Variants in ALDH1L1 observed in about 807,000 individuals in gnomAD.
ALDH1L1 encodes cytosolic 10-formyltetrahydrofolate dehydrogenase.
In ALDH1L1, 68 loss-of-function variants were observed where a neutral mutation model predicts 101.1. The observed-to-expected ratio is 0.67, with a 90% confidence interval of 0.55 to 0.82. The LOEUF is 0.82. ALDH1L1 is among the 40% of genes least tolerant of loss of function. The pLI is 0.00. For synonymous variants in ALDH1L1, 486 were observed against 470.8 expected, an observed-to-expected ratio of 1.03 and a Z score of -0.42; for missense variants, 1,087 against 1,172.7, an observed-to-expected ratio of 0.93 and a Z score of 1.07.
intron 5 of ALDH1L1, among the ~76,000 whole-genome samples, chr3:126,154,998 T>G (rs992126654): frequency 6.6e-6 from 1 of 152,190 alleles, no homozygotes; most frequent in Non-Finnish European, 1.5e-5. Flanking sequence ...CCCATACTCC[T>G]GAGCTGAGAC....
chr3:126,174,001 T>C (rs2081328303), intron 1 of ALDH1L1, among the ~76,000 whole-genome samples: 1 of 152,242 alleles, frequency 6.6e-6, no homozygotes, highest in African/African-American at 2.4e-5. Context: ...CCACTATTAT[T>C]ACAGTTGGAG....
chr3:126,147,795 CTT>C (rs1448278185), intron 8 of ALDH1L1, among the ~76,000 whole-genome samples: 1 of 152,194 alleles, frequency 6.6e-6, no homozygotes, highest in African/African-American at 2.4e-5. Context: ...CGGCTCTCCT[CTT>C]TCTTTCTTGG....
chr3:126,178,192 G>A (rs1048640104), intron 1 of ALDH1L1, among the ~76,000 whole-genome samples: 1 of 152,010 alleles, frequency 6.6e-6, no homozygotes, highest in Non-Finnish European at 1.5e-5. Context: ...GCCAGCTTGG[G>A]CAACAAAGTG....
rs375621069 is a variant in ALDH1L1 at position 126,130,200 on chromosome 3, C to G, written c.1694+23G>C. The G allele has an allele frequency of 4.0e-5, 63 of 1,593,378 alleles. 1 individual carries two copies. In the African/African-American group the frequency reaches 6.3e-4, roughly 16 times the overall value. On this transcript the variant is annotated intron_variant, in intron 14 of 22. Coordinates refer to ENST00000393434, the MANE Select transcript of ALDH1L1 (RefSeq NM_012190.4). ...GCATGGAAAGCACCGCGAGGCTGCA[C>G]CTCGCCCTGGGCAGGAACTCACCCA...
intron 1 of ALDH1L1, among the ~76,000 whole-genome samples, chr3:126,197,387 A>T (rs1266140853): frequency 2.0e-5 from 3 of 152,316 alleles, no homozygotes; most frequent in Non-Finnish European, 4.4e-5. Flanking sequence ...CTAAACGCAC[A>T]AGAAAAATGA....
chr3:126,130,383 G>A, intron 13 of ALDH1L1, 90 bp from the exon 14 acceptor site: 2 of 1,234,522 alleles, frequency 1.6e-6, no homozygotes, highest in Admixed American at 5.9e-5. Flanking sequence ...GTCTCCAGGA[G>A]GAAGTCAAAG....
intron 10 of ALDH1L1, 56 bp from the exon 11 acceptor site, chr3:126,136,939 C>T: frequency 1.9e-6 from 3 of 1,603,180 alleles, no homozygotes; most frequent in Non-Finnish European, 2.6e-6. Flanking sequence ...AGGAAGCATA[C>T]ACAGATGGCC....
intron 1 of ALDH1L1, among the ~76,000 whole-genome samples, chr3:126,193,293 T>G (rs1156700696): frequency 6.6e-6 from 1 of 152,184 alleles, no homozygotes; most frequent in Non-Finnish European, 1.5e-5. Context: ...ACAGACCTAG[T>G]CTGTTCTAGT....
intron 1 of ALDH1L1, among the ~76,000 whole-genome samples, chr3:126,172,740 A>C (rs975530122): frequency 6.6e-6 from 1 of 152,174 alleles, no homozygotes; most frequent in Non-Finnish European, 1.5e-5. Flanking sequence ...AGAGGAAACC[A>C]AATAGGATAA....
intron 1 of ALDH1L1, 22 bp from the exon 2 acceptor site, chr3:126,161,024 A>G: frequency 1.2e-6 from 2 of 1,612,714 alleles, no homozygotes; most frequent in Non-Finnish European, 1.7e-6. Flanking sequence ...ATAAGGCAGC[A>G]ATTAGACAGA....
At chr3:126,196,398 T>C (rs1334805897) in intron 1 of ALDH1L1, among the ~76,000 whole-genome samples, 1 of 134,398 alleles carries the variant, frequency 7.4e-6, no homozygotes, top group African/African-American at 2.8e-5. Context: ...TTTTTTTTTT[T>C]CCAAAATGGG....
At chr3:126,156,707 C>G (rs2080914567) in intron 4 of ALDH1L1, 1 of 152,222 alleles carries the variant, frequency 6.6e-6, no homozygotes, top group African/African-American at 2.4e-5. Flanking sequence ...GACCACAGGT[C>G]ACGGCCTTCC....
Position 126,179,498 on chromosome 3 carries a change from T to TCAAACAAACAAACAAACAAA in ALDH1L1, c.-24+958_-24+977dup, listed in dbSNP as rs74555685. On this transcript the variant is annotated intron_variant, in intron 1 of 22. Coordinates refer to ENST00000393434, the MANE Select transcript of ALDH1L1 (RefSeq NM_012190.4). ...CTGGGCGACAGAGCGAGACTCTGTCTCAAACAAACAAACAAACAAACAGCA... is the reference window on the plus strand; with the variant it reads ...CTGGGCGACAGAGCGAGACTCTGTCTCAAACAAACAAACAAACAAACAAACAAACAAACAAACAAACAGCA... Among the ~76,000 whole-genome samples, 445 of 151,740 alleles carry TCAAACAAACAAACAAACAAA rather than the reference T, an allele frequency of 2.9e-3. 3 individuals carry two copies. Among genetic ancestry groups the TCAAACAAACAAACAAACAAA allele is most frequent in the African/African-American group, 0.01 (430 of 41,316 alleles).
chr3:126,114,809 C>A (rs1427363470), intron 17 of ALDH1L1, 153 bp from the exon 18 acceptor site: 7 of 683,584 alleles, frequency 1.0e-5, no homozygotes, highest in East Asian at 8.5e-5. Context: ...CCACCCCTTG[C>A]GGCTTCACAC....
chr3:126,124,530 C>T, intron 15 of ALDH1L1, 79 bp from the exon 16 acceptor site: 1 of 1,179,962 alleles, frequency 8.5e-7, no homozygotes, highest in South Asian at 1.3e-5. Context: ...CCGCCTTCCT[C>T]TCCCAGCAGC....
At chr3:126,174,250 G>A (rs68189376) in intron 1 of ALDH1L1, among the ~76,000 whole-genome samples, 8 of 152,112 alleles carry the variant, frequency 5.3e-5, no homozygotes, top group Admixed American at 1.3e-4. Context: ...GGCTGGTCTC[G>A]CACTCCTGAC....
intron 20 of ALDH1L1, among the ~76,000 whole-genome samples, chr3:126,108,315 C>T (rs113424000): frequency 1.3e-5 from 2 of 152,224 alleles, no homozygotes; most frequent in African/African-American, 2.4e-5. Context: ...CCATGCTCTG[C>T]CCCTCACTGG....
intron 9 of ALDH1L1, among the ~76,000 whole-genome samples, chr3:126,145,653 A>G (rs2080659488): frequency 6.6e-6 from 1 of 152,194 alleles, no homozygotes; most frequent in Non-Finnish European, 1.5e-5. Flanking sequence ...AGCAAAAAGA[A>G]TGGCTGTTGC....
Position 126,103,709 on chromosome 3 carries a change from G to A in ALDH1L1, c.*82C>T, listed in dbSNP as rs759244047. On this transcript the variant is annotated 3_prime_UTR_variant, in exon 23 of 23. Transcript: ENST00000393434. ...CTTCCACTAGCCCCCCAGGTGGGAG[G>A]TGCTGTGCACCCAGGCTCAAGAGGG... 17 of 1,466,940 alleles carry A rather than the reference G, an allele frequency of 1.2e-5. No homozygotes were observed. Among genetic ancestry groups the A allele is most frequent in the African/African-American group, 1.4e-5 (1 of 72,024 alleles). The allele number at this position is 1,466,940 out of a possible 1,614,324, so 90.9% of individuals were successfully genotyped here.
Sources: allele counts gnomAD v4.1 joint callset (sites outside exome capture counted in the v4.1 genomes callset), GRCh38; gene constraint gnomAD v4.1.1; transcripts MANE v1.5; gene names NCBI Gene and HGNC (gene_info 2026-07-23, HGNC 2026-07-21).